The following EPHB4 variants were observed in gnomAD, a reference collection of about 807,000 sequenced individuals.
EPHB4 encodes EPH receptor B4.
Under a neutral mutation model 110.6 loss-of-function variants are expected in EPHB4, and 50 were observed. That is an observed-to-expected ratio of 0.45 (90% CI 0.36 to 0.57). EPHB4 has a LOEUF of 0.57. Among genes scored for constraint, EPHB4 ranks in the 20% least tolerant of loss-of-function variants. EPHB4 has a pLI of 0.00. For missense variants in EPHB4, 1,128 were observed against 1,382.1 expected, an observed-to-expected ratio of 0.82 and a Z score of 2.91; for synonymous variants, 592 against 578.4, an observed-to-expected ratio of 1.02 and a Z score of -0.34.
chr7:100,806,699 C>A, intron 13 of EPHB4, 130 bp from the exon 14 acceptor site: 1 of 1,130,288 alleles, frequency 8.8e-7, no homozygotes, highest in Non-Finnish European at 1.2e-6. Flanking sequence ...CTCCTACTCT[C>A]CAACTCTGTT....
At position 100,826,884 on chromosome 7, in the gene EPHB4, G is replaced by T. The variant is rs527937169; in HGVS notation, c.52+95C>A. 2.0e-5 allele frequency: 29 copies of T among 1,420,114 alleles called. No individual in the cohort carries two copies. The African/African-American group carries it at 3.8e-4, about 19-fold the overall frequency. The allele number at this position is 1,420,114 out of a possible 1,614,324, so 88.0% of individuals were successfully genotyped here. On this transcript the variant is annotated intron_variant, in intron 1 of 16. Transcript: ENST00000358173. ...TTGGGACTGCAGTGCCCGGGTAGGGGTAGTCAGAGGCCGGCCCCTCCACTC... is the reference window on the plus strand; with the variant it reads ...TTGGGACTGCAGTGCCCGGGTAGGGTTAGTCAGAGGCCGGCCCCTCCACTC...
chr7:100,823,811 C>T lies in EPHB4; in HGVS notation c.244G>A (p.Gly82Ser), dbSNP rs1584667132. 6.2e-7 allele frequency: 1 copy of T among 1,613,278 alleles called. No individual in the cohort carries two copies. The highest frequency in any genetic ancestry group is 1.1e-5 in the South Asian group (1 of 91,064). The stretch of plus-strand genomic sequence containing the variant: ...AGCGTGGCGTACACGTGGACGGCGC[C>T]CCGCCGTGGGACCCAACCTGTGCGA... ...WLRTGWVPRR[G>S]AVHVYATLRF... The change falls in exon 3 of 17, where the codon GGC becomes AGC. Residue 82 changes from glycine (G) to serine (S), a missense_variant. Gly to Ser is a moderately conservative substitution (Grantham distance 56). Coordinates refer to ENST00000358173, the MANE Select transcript of EPHB4 (RefSeq NM_004444.5).
In EPHB4 at chr7:100,823,773, C is replaced by A. The variant is rs1584667090; in HGVS notation, c.282G>T (p.Met94Ile). 5 of 1,613,432 alleles carry A rather than the reference C, an allele frequency of 3.1e-6. No individual in the cohort carries two copies. Among genetic ancestry groups the A allele is most frequent in the Middle Eastern group, 3.3e-4 (2 of 6,082 alleles). ...VHVYATLRFT[M>I]LECLSLPRAG... ...CCCGAGGCAGGGACAGGCACTCGAG[C>A]ATGGTGAAGCGCAGCGTGGCGTACA... is the stretch of plus-strand genomic sequence containing the variant. Residue 94 changes from methionine to isoleucine, a missense_variant, in exon 3 of 17, where the codon ATG becomes ATT. Around this residue, in one of 3 missense-constraint regions of EPHB4, gnomAD observed 728 missense variants for 828.6 expected, o/e 0.88. Transcript: ENST00000358173.
rs753866489 is a variant in EPHB4, at chr7:100,819,782, C to T, written c.1072G>A (p.Ala358Thr). 8.2e-6 allele frequency: 13 copies of T among 1,582,764 alleles called. No individual in the cohort carries two copies. Among genetic ancestry groups the T allele is most frequent in the African/African-American group, 5.4e-5 (4 of 74,194 alleles). Residue 358 changes from alanine to threonine, a missense_variant, in exon 6 of 17, where the codon GCC becomes ACC. By Grantham distance (58) the Ala-to-Thr change is moderately conservative (BLOSUM62 0). Coordinates refer to ENST00000358173, the MANE Select transcript of EPHB4 (RefSeq NM_004444.5). ...GGTCGGCACTCCCGGCAGCGGAGGG[C>T]GTAGGTGAGGTCCTCTCGGCCACCA... Reference protein sequence around the residue: ...ESGGREDLTYALRCRECRPGG... With the variant: ...ESGGREDLTYTLRCRECRPGG...
chr7:100,814,777 T>G (rs755203740), intron 8 of EPHB4, among the ~76,000 whole-genome samples: 85 of 151,488 alleles, frequency 5.6e-4, no homozygotes, highest in Non-Finnish European at 9.7e-4. Context: ...CACTCTGAGA[T>G]ACTGAGGTGG....
At chr7:100,805,358 G>C in intron 15 of EPHB4, 37 bp from the exon 16 acceptor site, 1 of 1,611,422 alleles carries the variant, frequency 6.2e-7, no homozygotes, top group Non-Finnish European at 8.5e-7. Context: ...CTGAGTACCA[G>C]GCCCAGGTCC....
At chr7:100,813,831 G>C in intron 9 of EPHB4, 88 bp downstream of exon 9, 1 of 1,600,560 alleles carries the variant, frequency 6.2e-7, no homozygotes, top group Non-Finnish European at 8.6e-7. Flanking sequence ...AGAGGCTGGG[G>C]ACAGCCAGAA....
chr7:100,820,021 G>T, intron 5 of EPHB4, 120 bp downstream of exon 5: 1 of 1,505,652 alleles, frequency 6.6e-7, no homozygotes, highest in Non-Finnish European at 8.9e-7. Context: ...CTCCGGGCTA[G>T]GGACAAGCAT....
chr7:100,822,606 T>C lies in EPHB4; in HGVS notation c.473A>G (p.Lys158Arg), dbSNP rs1813263980. 1.9e-6 allele frequency: 3 copies of C among 1,606,000 alleles called. No individual in the cohort carries two copies. The highest frequency in any genetic ancestry group is 4.5e-5 in the East Asian group (2 of 44,684). Residue 158 changes from lysine (K) to arginine (R), a missense_variant, in exon 4 of 17, where the codon AAG becomes AGG. By Grantham distance (26) the Lys-to-Arg change is conservative. This residue lies in a region of EPHB4 where 728 missense variants were observed against 828.6 expected (regional missense o/e 0.88). Coordinates refer to ENST00000358173, the MANE Select transcript of EPHB4 (RefSeq NM_004444.5). This position sits in a 1 kb window ranked among gnomAD's most constrained non-coding sequence, Gnocchi z 4.7. Reference protein sequence around the residue: ...RKRPGAEATGKVNVKTLRLGP... With the variant: ...RKRPGAEATGRVNVKTLRLGP... ...CAGACGCAGCGTCTTGACATTCACC[T>C]TCCCGGTGGCCTCGGCCCCAGGGCG...
At chr7:100,805,142 A>C (rs1439908228) in intron 16 of EPHB4, 24 bp downstream of exon 16, 3 of 1,607,262 alleles carry the variant, frequency 1.9e-6, no homozygotes, top group Non-Finnish European at 2.5e-6. Context: ...TCCCAGCCCC[A>C]CTCCAGCTCC....
At chr7:100,809,023 G>A (rs1055448102) in intron 12 of EPHB4, among the ~76,000 whole-genome samples, 4 of 152,084 alleles carry the variant, frequency 2.6e-5, no homozygotes, top group Admixed American at 1.3e-4. Flanking sequence ...TTCACCCCAC[G>A]GCCTGGATGC....
chr7:100,806,755 C>T (rs1468126850), intron 13 of EPHB4, among the ~76,000 whole-genome samples, 186 bp from the exon 14 acceptor site: 2 of 152,076 alleles, frequency 1.3e-5, no homozygotes, highest in African/African-American at 4.8e-5. Context: ...CACTGAAACT[C>T]CGCCTCCCGG....
At chr7:100,805,823 G>T in intron 14 of EPHB4, 129 bp from the exon 15 acceptor site, 1 of 920,066 alleles carries the variant, frequency 1.1e-6, no homozygotes, top group Non-Finnish European at 1.5e-6. Flanking sequence ...AACAGATCCA[G>T]GAATCCTCCT....
rs745567690 is a variant in EPHB4, at chr7:100,813,936, G to C, written c.1674C>G (p.Val558=). Residue 558 remains valine, a synonymous_variant, in exon 9 of 17, where the codon GTC becomes GTG. Coordinates refer to ENST00000358173, the MANE Select transcript of EPHB4 (RefSeq NM_004444.5). ...GCCCTTACCTGAGGCAGAGAACTGC[G>C]ACCACAATGACCACCAGGACCAGGA... ...GVVLVLVVIV[V]AVLCLRKQSN... is the part of the protein sequence containing the mutation. The C allele has an allele frequency of 3.7e-6, 6 of 1,613,936 alleles. No homozygotes were observed. The highest frequency in any genetic ancestry group is 5.1e-6 in the Non-Finnish European group (6 of 1,180,022).
intron 2 of EPHB4, 90 bp downstream of exon 2, chr7:100,824,113 G>A: frequency 1.3e-6 from 2 of 1,576,590 alleles, no homozygotes; most frequent in Non-Finnish European, 1.7e-6. Context: ...GGACAGGGGA[G>A]AGGAGTGGCA....
intron 7 of EPHB4, among the ~76,000 whole-genome samples, chr7:100,817,800 G>C (rs1334088028): frequency 6.7e-6 from 1 of 148,552 alleles, no homozygotes; most frequent in Non-Finnish European, 1.5e-5. Context: ...AAAGTGCCGG[G>C]ATTACAGGCA....
intron 3 of EPHB4, 102 bp downstream of exon 3, chr7:100,823,542 G>C (rs1024249724): frequency 4.8e-6 from 7 of 1,453,214 alleles, no homozygotes; most frequent in Admixed American, 4.3e-5. Context: ...CCCAGCGCGC[G>C]GGCCAGAGGC....
rs1352509263 is a variant in EPHB4 at position 100,827,110 on chromosome 7, T to G, written c.-80A>C. The G allele has an allele frequency of 6.8e-7, 1 of 1,462,024 alleles. No individual in the cohort carries two copies. The highest frequency in any genetic ancestry group is 9.3e-7 in the Non-Finnish European group (1 of 1,078,946). 90.6% of individuals were successfully genotyped at this position (1,462,024 alleles called of 1,614,324 possible). A position where few individuals can be genotyped will look rare whatever the true frequency, so the allele number is the denominator to read the frequency against. ...CCAGGTCTGACTCTCCCTGGGCGGG[T>G]GGACGCCGATACTCCGCGCGGGACT... On this transcript the variant is annotated 5_prime_UTR_variant, in exon 1 of 17. Transcript: ENST00000358173.
intron 12 of EPHB4, among the ~76,000 whole-genome samples, chr7:100,810,377 G>A (rs1192179681): frequency 3.9e-5 from 6 of 152,122 alleles, no homozygotes; most frequent in Non-Finnish European, 7.3e-5. Context: ...ACATTCAGGC[G>A]GACAAGGGAC....
Sources: gnomAD v4.1 joint callset for allele counts (sites outside exome capture counted in the v4.1 genomes callset) on GRCh38, gnomAD v4.1.1 for gene constraint, gnomAD v4.1.1 regional missense constraint, Gnocchi (gnomAD v3.1) non-coding constraint, MANE v1.5 for transcripts, NCBI Gene and HGNC (gene_info 2026-07-23, HGNC 2026-07-21) for gene names.